The following ACSF3 variants were observed in gnomAD, a reference collection of about 807,000 sequenced individuals.
ACSF3 encodes acyl-CoA synthetase family member 3.
ACSF3 carries 78 observed loss-of-function variants against 53.2 expected under a neutral mutation model. The observed-to-expected ratio is 1.47, with a 90% CI of 1.22 to 1.77. ACSF3 has a LOEUF of 1.77. Ranked by LOEUF, ACSF3 falls within the 40% of genes most tolerant of loss-of-function variation. The pLI is 0.00. For synonymous variants in ACSF3, 414 were observed against 333.1 expected, an observed-to-expected ratio of 1.24 and a Z score of -2.65; for missense variants, 937 against 771.1, an observed-to-expected ratio of 1.22 and a Z score of -2.55.
intron 1 of ACSF3, among the ~76,000 whole-genome samples, chr16:89,095,714 C>T (rs1428729743): frequency 1.3e-5 from 2 of 152,214 alleles, no homozygotes; most frequent in African/African-American, 4.8e-5. Context: ...ATTTTTGTTG[C>T]GAGGCTCCAT....
intron 8 of ACSF3, among the ~76,000 whole-genome samples, chr16:89,142,098 G>A (rs1434511000): frequency 6.6e-6 from 1 of 152,064 alleles, no homozygotes; most frequent in African/African-American, 2.4e-5. Context: ...TCTTCCCTCC[G>A]CATGGCTCAG....
chr16:89,128,987 C>T (rs12446954), intron 7 of ACSF3, among the ~76,000 whole-genome samples: 103,207 of 151,620 alleles, frequency 0.68, 35,816 homozygotes, highest in Middle Eastern at 0.75. Context: ...AAAAAAATAG[C>T]TGGGCATGGT....
rs541208728 is a variant in ACSF3 at position 89,145,683 on chromosome 16, G to A, written c.1502-255G>A. ...CCCCTGCAGGAAGGTGGCAGGGAGA[G>A]TGCAGAGAGCCAAGGGGCGGGAAGG... On this transcript the variant is annotated intron_variant, in intron 9 of 10. Coordinates refer to ENST00000614302, the MANE Select transcript of ACSF3 (RefSeq NM_001243279.3). Among the ~76,000 whole-genome samples, 6 of 152,350 alleles carry A rather than the reference G, an allele frequency of 3.9e-5. No homozygotes were observed. The East Asian group carries it at 1.2e-3, about 29-fold the overall frequency.
intron 7 of ACSF3, among the ~76,000 whole-genome samples, chr16:89,131,803 C>T (rs1268941195): frequency 2.6e-5 from 4 of 152,260 alleles, no homozygotes; most frequent in Non-Finnish European, 5.9e-5. Context: ...GAAAAATTCA[C>T]GAAATTCAGA....
At chr16:89,114,690 G>T in intron 6 of ACSF3, 3 of 742,498 alleles carry the variant, frequency 4.0e-6, no homozygotes, top group Non-Finnish European at 6.8e-6. Flanking sequence ...CCAAGTCTCA[G>T]TCGGGTGGAT....
In ACSF3 at chr16:89,154,557, AC is replaced by A. The variant is rs1178420006; in HGVS notation, c.*351del. 5.9e-6 allele frequency: 2 copies of A among 337,208 alleles called. No homozygotes were observed. The highest frequency in any genetic ancestry group is 1.1e-5 in the Non-Finnish European group (2 of 180,366). 20.9% of individuals were successfully genotyped at this position (337,208 alleles called of 1,614,324 possible). ...CCAGGGCAGGTCCCAGAGGTTTCCC[AC>A]AAAAAACAAAGACTCCACTGGAGGA... On this transcript the variant is annotated 3_prime_UTR_variant, in exon 11 of 11. Coordinates refer to ENST00000614302, the MANE Select transcript of ACSF3 (RefSeq NM_001243279.3).
At chr16:89,122,500 C>G (rs1597993607) in intron 7 of ACSF3, 1 of 387,230 alleles carries the variant, frequency 2.6e-6, no homozygotes, top group South Asian at 1.8e-5. Flanking sequence ...TCCTGGCTCT[C>G]AAGTCTGTGC....
intron 8 of ACSF3, among the ~76,000 whole-genome samples, chr16:89,139,348 C>G (rs1911272582): frequency 6.6e-6 from 1 of 152,160 alleles, no homozygotes. Flanking sequence ...CTTCCCTCTT[C>G]CGCCCCCAGC....
At chr16:89,135,162 A>G (rs1389782832) in intron 8 of ACSF3, among the ~76,000 whole-genome samples, 2 of 151,326 alleles carry the variant, frequency 1.3e-5, no homozygotes, top group South Asian at 4.2e-4. Context: ...CAAAAAAAAG[A>G]GGCCCATTTT....
chr16:89,096,441 G>C (rs1974625336), intron 1 of ACSF3, among the ~76,000 whole-genome samples: 1 of 152,198 alleles, frequency 6.6e-6, no homozygotes, highest in Non-Finnish European at 1.5e-5. Context: ...AGTAGGCTCT[G>C]TCTGCGTGTT....
At chr16:89,139,420 C>T (rs936559390) in intron 8 of ACSF3, among the ~76,000 whole-genome samples, 1 of 152,050 alleles carries the variant, frequency 6.6e-6, no homozygotes, top group Non-Finnish European at 1.5e-5. Context: ...TACTTGGAGA[C>T]TTGCGTGTCT....
At chr16:89,111,942 G>C in intron 4 of ACSF3, 150 bp from the exon 5 acceptor site, 3 of 544,448 alleles carry the variant, frequency 5.5e-6, no homozygotes, top group South Asian at 4.8e-5. Context: ...CTGTGGGAAG[G>C]GGTCAGAGTT....
Position 89,133,227 on chromosome 16 carries a change from A to C in ACSF3, c.1331A>C (p.Lys444Thr). The change falls in exon 8 of 11, where the codon AAG (lysine) becomes ACG (threonine). Residue 444 changes from lysine to threonine, a missense_variant. By Grantham distance (78) the Lys-to-Thr change is moderately conservative. Transcript: ENST00000614302. Reference protein sequence around the residue: ...REYWNKPEETKSAFTLDGWFK... With the variant: ...REYWNKPEETTSAFTLDGWFK... ...TACTGGAATAAACCAGAAGAAACTA[A>C]GAGTGCATTCACCCTGGATGGCTGG... is the stretch of plus-strand genomic sequence containing the variant. 1.9e-6 allele frequency: 3 copies of C among 1,614,150 alleles called. No individual in the cohort carries two copies. The highest frequency in any genetic ancestry group is 2.5e-6 in the Non-Finnish European group (3 of 1,180,016).
At chr16:89,111,917 C>T (rs972746655) in intron 4 of ACSF3, among the ~76,000 whole-genome samples, 175 bp from the exon 5 acceptor site, 4 of 152,250 alleles carry the variant, frequency 2.6e-5, no homozygotes, top group Non-Finnish European at 5.9e-5. Context: ...GCAGCTGTCC[C>T]GCGCAACATG....
At chr16:89,111,062 A>G (rs1396834541) in intron 4 of ACSF3, among the ~76,000 whole-genome samples, 3 of 152,106 alleles carry the variant, frequency 2.0e-5, no homozygotes, top group African/African-American at 4.8e-5. Flanking sequence ...TCTCTTTGCA[A>G]TTCTCCATCT....
intron 6 of ACSF3, among the ~76,000 whole-genome samples, chr16:89,115,510 G>A (rs956205875): frequency 5.9e-5 from 9 of 152,230 alleles, no homozygotes; most frequent in Non-Finnish European, 1.3e-4. Context: ...TTTCCCTGCT[G>A]AGTGGCATCC....
intron 1 of ACSF3, among the ~76,000 whole-genome samples, chr16:89,094,758 G>A (rs1974414651): frequency 6.6e-6 from 1 of 152,202 alleles, no homozygotes; most frequent in Non-Finnish European, 1.5e-5. Context: ...AGCTGGGTGT[G>A]GTGGCGTACA....
chr16:89,141,585 A>G (rs1708279957), intron 8 of ACSF3, among the ~76,000 whole-genome samples: 1 of 152,232 alleles, frequency 6.6e-6, no homozygotes, highest in South Asian at 2.1e-4. Flanking sequence ...CGTCCAGGCC[A>G]AGGCGTCCGG....
At chr16:89,123,384 G>A (rs757753580) in intron 7 of ACSF3, among the ~76,000 whole-genome samples, 1 of 152,204 alleles carries the variant, frequency 6.6e-6, no homozygotes, top group Non-Finnish European at 1.5e-5. Flanking sequence ...ACTCGCAGAC[G>A]CACTTGGTAC....
Sources: allele counts gnomAD v4.1 joint callset (sites outside exome capture counted in the v4.1 genomes callset), GRCh38; gene constraint gnomAD v4.1.1; transcripts MANE v1.5; gene names NCBI Gene and HGNC (gene_info 2026-07-23, HGNC 2026-07-21).